Variants in EIF4E observed in about 807,000 individuals in gnomAD.
The protein encoded by EIF4E is eukaryotic translation initiation factor 4E.
For missense variants in EIF4E, 113 were observed against 265.6 expected (o/e 0.43, Z 3.99); for synonymous variants, 71 against 88.5 (o/e 0.80, Z 1.11).
intron 5 of EIF4E, chr4:98,886,541 C>T (rs1321784297): frequency 1.4e-5 from 6 of 417,890 alleles, no homozygotes; most frequent in South Asian, 6.9e-5. Context: ...TAGCAAGATC[C>T]CATCTCTGGA....
chr4:98,907,755 T>A (rs191310237), intron 1 of EIF4E, among the ~76,000 whole-genome samples: 1 of 152,296 alleles, frequency 6.6e-6, no homozygotes, highest in East Asian at 1.9e-4. Context: ...CATAGGGATT[T>A]AAGTGATCTA....
At chr4:98,909,728 C>T (rs535919573) in intron 1 of EIF4E, 1 of 707,110 alleles carries the variant, frequency 1.4e-6, no homozygotes, top group East Asian at 2.7e-5. Context: ...TCATTTTCAC[C>T]ATCTTCAGCT....
At chr4:98,882,746 T>C (rs1053629260) in intron 6 of EIF4E, among the ~76,000 whole-genome samples, 1 of 151,762 alleles carries the variant, frequency 6.6e-6, no homozygotes, top group African/African-American at 2.4e-5. Context: ...TTTGAAAATC[T>C]GAAGTCTTAA....
At chr4:98,882,396 C>CAA (rs33922454) in intron 6 of EIF4E, among the ~76,000 whole-genome samples, 18 of 85,180 alleles carry the variant, frequency 2.1e-4, no homozygotes, top group Middle Eastern at 5.7e-3. Context: ...GACTCCGTCT[C>CAA]AAAAAAAAAA....
At chr4:98,886,908 C>T in intron 5 of EIF4E, 171 bp downstream of exon 5, 1 of 625,676 alleles carries the variant, frequency 1.6e-6, no homozygotes, top group Non-Finnish European at 2.8e-6. Flanking sequence ...GGATGTTTCA[C>T]TGTACTATAA....
intron 1 of EIF4E, among the ~76,000 whole-genome samples, chr4:98,924,777 G>T (rs1205841312): frequency 6.6e-6 from 1 of 151,942 alleles, no homozygotes; most frequent in East Asian, 1.9e-4. Context: ...ATTTTTAGTA[G>T]AGACAGGGTT....
intron 1 of EIF4E, among the ~76,000 whole-genome samples, chr4:98,917,176 C>T (rs888303544): frequency 3.3e-5 from 5 of 150,590 alleles, no homozygotes; most frequent in African/African-American, 1.2e-4. Flanking sequence ...AGACTTTTAT[C>T]TCTACTTAAT....
At chr4:98,918,697 C>A (rs1273041169) in intron 1 of EIF4E, among the ~76,000 whole-genome samples, 2 of 151,678 alleles carry the variant, frequency 1.3e-5, no homozygotes, top group Non-Finnish European at 2.9e-5. Flanking sequence ...ATGTTAAAAC[C>A]AAATAGTGTA....
Position 98,927,489 on chromosome 4 carries a change from C to G in EIF4E, c.18+1606G>C, listed in dbSNP as rs189602144. On this transcript the variant is annotated intron_variant, in intron 1 of 6. Coordinates refer to ENST00000450253, the MANE Select transcript of EIF4E (RefSeq NM_001968.5). ...TGGCCAACATGGTGGAACCCCGTCT[C>G]TACTAAAAATACAAAAATTAGCCAG... is the stretch of plus-strand genomic sequence containing the variant. Among the ~76,000 whole-genome samples, 836 of 151,900 alleles carry G rather than the reference C, an allele frequency of 5.5e-3. 4 individuals carry two copies. Among genetic ancestry groups the G allele is most frequent in the Non-Finnish European group, 8.1e-3 (553 of 67,942 alleles).
intron 3 of EIF4E, 130 bp from the exon 4 acceptor site, chr4:98,888,082 G>C: frequency 1.3e-6 from 1 of 798,994 alleles, no homozygotes; most frequent in Non-Finnish European, 2.0e-6. Flanking sequence ...TGTTTCTAAG[G>C]AGTCAATTTC....
chr4:98,913,955 A>C (rs906145302), intron 1 of EIF4E, among the ~76,000 whole-genome samples: 1 of 152,152 alleles, frequency 6.6e-6, no homozygotes, highest in Non-Finnish European at 1.5e-5. Context: ...ACAGATAAAC[A>C]AACCACGGCG....
At chr4:98,889,644 C>T (rs990757194) in intron 3 of EIF4E, among the ~76,000 whole-genome samples, 1 of 152,164 alleles carries the variant, frequency 6.6e-6, no homozygotes, top group Non-Finnish European at 1.5e-5. Context: ...TCCTTCATAT[C>T]TCTAAGTTAT....
At position 98,901,860 on chromosome 4, in the gene EIF4E, G is replaced by A. The variant is rs1019475781; in HGVS notation, c.125+16C>T. ...TTGTGGCCTAACTCAGAAAACCTAG[G>A]TGTTAGAAAGCTTACCTGTTCTGTA... On this transcript the variant is annotated intron_variant, in intron 2 of 6. Coordinates refer to ENST00000450253, the MANE Select transcript of EIF4E (RefSeq NM_001968.5). 29 of 1,607,538 alleles carry A rather than the reference G, an allele frequency of 1.8e-5. 1 individual carries two copies. Among genetic ancestry groups the A allele is most frequent in the Admixed American group, 1.2e-4 (7 of 59,978 alleles).
chr4:98,917,127 CACACACAAAAAA>C (rs1483955398), intron 1 of EIF4E, among the ~76,000 whole-genome samples: 2 of 68,784 alleles, frequency 2.9e-5, no homozygotes, highest in African/African-American at 9.9e-5. Context: ...CACACACACA[CACACACAAAAAA>C]AACCCAAATG....
At chr4:98,922,798 A>G (rs1725702788) in intron 1 of EIF4E, among the ~76,000 whole-genome samples, 1 of 151,742 alleles carries the variant, frequency 6.6e-6, no homozygotes, top group Non-Finnish European at 1.5e-5. Flanking sequence ...ATTCCACAAA[A>G]ATTTACTGAA....
intron 1 of EIF4E, among the ~76,000 whole-genome samples, chr4:98,905,764 T>C (rs1382566389): frequency 6.6e-6 from 1 of 152,180 alleles, no homozygotes; most frequent in Non-Finnish European, 1.5e-5. Flanking sequence ...CTGAATAAAC[T>C]GTCATAGCAA....
At position 98,880,441 on chromosome 4, in the gene EIF4E, AG is replaced by A. The variant is rs1310011700; in HGVS notation, c.*586del. The stretch of plus-strand genomic sequence containing the variant: ...CTGGATCCTTCACCAATGTTACATG[AG>A]GAAAAAAACAAAAGCAAAACAAATG... On this transcript the variant is annotated 3_prime_UTR_variant, in exon 7 of 7. Coordinates refer to ENST00000450253, the MANE Select transcript of EIF4E (RefSeq NM_001968.5). 4.8e-5 allele frequency: 4 copies of A among 83,778 alleles called. No homozygotes were observed. The highest frequency in any genetic ancestry group is 1.9e-4 in the African/African-American group (4 of 21,412). The allele number at this position is 83,778 out of a possible 1,614,324, so 5.2% of individuals were successfully genotyped here. A position where few individuals can be genotyped will look rare whatever the true frequency, so the allele number is the denominator to read the frequency against.
At chr4:98,895,237 A>G (rs1457106986) in intron 2 of EIF4E, 1 of 152,264 alleles carries the variant, frequency 6.6e-6, no homozygotes, top group Non-Finnish European at 1.5e-5. Context: ...CATGGCATCA[A>G]CAGAACTGCT....
In EIF4E at chr4:98,887,975, T is replaced by A. The variant is rs1352353893; in HGVS notation, c.222-23A>T. On this transcript the variant is annotated intron_variant, in intron 3 of 6. Transcript: ENST00000450253. The surrounding 1 kb of genome is among the most constrained non-coding windows in gnomAD (Gnocchi z 4.0). ...AGACTAGGTAAAAGAAAATAACAATTAAAAACACAGAATATGTAATATAGA... is the reference window on the plus strand; with the variant it reads ...AGACTAGGTAAAAGAAAATAACAATAAAAAACACAGAATATGTAATATAGA... 6.3e-7 allele frequency: 1 copy of A among 1,588,134 alleles called. No individual in the cohort carries two copies. The highest frequency in any genetic ancestry group is 8.6e-7 in the Non-Finnish European group (1 of 1,159,296).
Sources: allele counts gnomAD v4.1 joint callset (sites outside exome capture counted in the v4.1 genomes callset), GRCh38; gene constraint gnomAD v4.1.1; non-coding constraint Gnocchi (gnomAD v3.1); transcripts MANE v1.5; gene names NCBI Gene and HGNC (gene_info 2026-07-23, HGNC 2026-07-21).